PARD3: variants seen among roughly 807,000 people sequenced by gnomAD.
PARD3 encodes the protein partitioning defective 3 homolog.
PARD3 carries 75 observed loss-of-function variants against 155.4 expected under a neutral mutation model. The ratio of observed to expected loss-of-function variants is 0.48; its 90% CI spans 0.40 to 0.58. PARD3 has a LOEUF of 0.58. Among genes scored for constraint, PARD3 ranks in the 20% least tolerant of loss-of-function variants. The pLI is 0.00. For synonymous variants in PARD3, 576 were observed against 610.5 expected (o/e 0.94, Z 0.83); for missense variants, 1,642 against 1,721.7 (o/e 0.95, Z 0.82).
At chr10:34,807,186 T>C (rs952696008) in intron 1 of PARD3, among the ~76,000 whole-genome samples, 8 of 152,254 alleles carry the variant, frequency 5.3e-5, no homozygotes, top group East Asian at 1.9e-4. Context: ...ACAGGACACA[T>C]TGGACAGGCC....
intron 10 of PARD3, 76 bp from the exon 11 acceptor site, chr10:34,375,078 A>G: frequency 1.0e-6 from 1 of 966,774 alleles, no homozygotes; most frequent in Non-Finnish European, 1.6e-6. Flanking sequence ...ACACACACAC[A>G]CACACACACA....
chr10:34,131,867 C>T (rs1947634573), intron 22 of PARD3, among the ~76,000 whole-genome samples: 1 of 151,302 alleles, frequency 6.6e-6, no homozygotes, highest in African/African-American at 2.4e-5. Context: ...TGTAATCTGG[C>T]AAGGTGTTGG....
rs544159792 is a variant in PARD3 at position 34,218,569 on chromosome 10, G to A, written c.3419+51088C>T. The stretch of plus-strand genomic sequence containing the variant: ...AGCAAATCACTGGTAAAACTGGGAA[G>A]GGCGGGAAATACTTTGCCATTTGGG... On this transcript the variant is annotated intron_variant, in intron 22 of 24. Transcript: ENST00000374788. Among the ~76,000 whole-genome samples the A allele has an allele frequency of 2.6e-5, 4 of 152,304 alleles. No homozygotes were observed. In the South Asian group the frequency reaches 6.2e-4, roughly 24 times the overall value.
chr10:34,584,869 A>G (rs2087858178), intron 2 of PARD3, among the ~76,000 whole-genome samples: 1 of 152,124 alleles, frequency 6.6e-6, no homozygotes, highest in South Asian at 2.1e-4. Flanking sequence ...TCCCAGGCTC[A>G]TTAGGTCTTC....
At chr10:34,209,258 A>T (rs1386043929) in intron 22 of PARD3, among the ~76,000 whole-genome samples, 1 of 152,160 alleles carries the variant, frequency 6.6e-6, no homozygotes, top group Non-Finnish European at 1.5e-5. Context: ...TTTCACAGGA[A>T]ATTTCTCATC....
intron 22 of PARD3, among the ~76,000 whole-genome samples, chr10:34,238,526 G>C (rs1422031660): frequency 2.0e-5 from 3 of 151,974 alleles, no homozygotes; most frequent in Non-Finnish European, 2.9e-5. Flanking sequence ...CACACATAGG[G>C]GTCCCAGACA....
At chr10:34,341,526 G>A (rs1836831495) in intron 16 of PARD3, 101 bp downstream of exon 16, 8 of 794,332 alleles carry the variant, frequency 1.0e-5, no homozygotes, top group Admixed American at 2.8e-5. Flanking sequence ...TGAAGACAGA[G>A]CTATTAAAAA....
At chr10:34,443,111 C>T (rs1293278179) in intron 5 of PARD3, among the ~76,000 whole-genome samples, 2 of 152,202 alleles carry the variant, frequency 1.3e-5, no homozygotes, top group African/African-American at 4.8e-5. Flanking sequence ...TTGATCATCC[C>T]AGACACCCAC....
At chr10:34,218,419 G>A (rs1248323976) in intron 22 of PARD3, among the ~76,000 whole-genome samples, 1 of 152,142 alleles carries the variant, frequency 6.6e-6, no homozygotes, top group Non-Finnish European at 1.5e-5. Flanking sequence ...CCCTGAAGAT[G>A]TGAGTCAAGA....
chr10:34,559,738 G>C (rs1160006807), intron 2 of PARD3, among the ~76,000 whole-genome samples: 2 of 151,308 alleles, frequency 1.3e-5, no homozygotes, highest in Non-Finnish European at 2.9e-5. Context: ...CGCAATAAGT[G>C]ATGAAAAGGA....
At chr10:34,602,872 T>G (rs759597107) in intron 2 of PARD3, among the ~76,000 whole-genome samples, 1 of 152,198 alleles carries the variant, frequency 6.6e-6, no homozygotes, top group Non-Finnish European at 1.5e-5. Flanking sequence ...AGGCCTCTAC[T>G]GCCCACGTAG....
At chr10:34,808,707 C>A (rs1180474310) in intron 1 of PARD3, among the ~76,000 whole-genome samples, 1 of 152,212 alleles carries the variant, frequency 6.6e-6, no homozygotes, top group African/African-American at 2.4e-5. Flanking sequence ...TTGCACCCAA[C>A]TCTGTGGGGA....
chr10:34,260,259 G>C lies in PARD3; in HGVS notation c.3419+9398C>G, dbSNP rs375170666. 9.0e-3 allele frequency among the ~76,000 whole-genome samples: 1,366 copies of C among 152,318 alleles called. 15 individuals are homozygous for C. Among genetic ancestry groups the C allele is most frequent in the African/African-American group, 0.03 (1,236 of 41,568 alleles). ...CAAAGTGTTGGGATTACAGGCGTGA[G>C]CTGCCACACCTGGCCAATTTTTTTC... On this transcript the variant is annotated intron_variant, in intron 22 of 24. Coordinates refer to ENST00000374788, the MANE Select transcript of PARD3 (RefSeq NM_001184785.2).
At chr10:34,613,123 C>G (rs1201546707) in intron 2 of PARD3, among the ~76,000 whole-genome samples, 1 of 152,188 alleles carries the variant, frequency 6.6e-6, no homozygotes, top group Admixed American at 6.5e-5. Flanking sequence ...ATGCTCAGAA[C>G]TAGCCTACGA....
chr10:34,615,389 G>C (rs2091185420), intron 2 of PARD3, among the ~76,000 whole-genome samples: 1 of 152,052 alleles, frequency 6.6e-6, no homozygotes. Flanking sequence ...AAACACCACT[G>C]AGGAAACAGT....
chr10:34,701,540 CAACAGAG>C (rs1326417412), intron 1 of PARD3, among the ~76,000 whole-genome samples: 2 of 152,084 alleles, frequency 1.3e-5, no homozygotes, highest in East Asian at 3.8e-4. Flanking sequence ...AAGACTTCCC[CAACAGAG>C]CCGGTAAGAG....
chr10:34,183,779 C>G (rs556764612), intron 22 of PARD3, among the ~76,000 whole-genome samples: 2 of 152,318 alleles, frequency 1.3e-5, no homozygotes, highest in Admixed American at 1.3e-4. Flanking sequence ...TCCCTTTTCT[C>G]TGTATGGGGG....
rs59792013 is a variant in PARD3, at chr10:34,606,156, A to ATGTG, written c.223-89001_223-88998dup. Among the ~76,000 whole-genome samples the ATGTG allele has an allele frequency of 2.3e-3, 293 of 126,546 alleles. 2 individuals are homozygous for ATGTG. Among genetic ancestry groups the ATGTG allele is most frequent in the East Asian group, 5.2e-3 (22 of 4,212 alleles). 83.0% of individuals were successfully genotyped at this position (126,546 alleles called of 152,430 possible). A position where few individuals can be genotyped will look rare whatever the true frequency, so the allele number is the denominator to read the frequency against. The stretch of plus-strand genomic sequence containing the variant: ...TATTACTATACATATATAAAGGGAA[A>ATGTG]TGTGTGTGTGTGTGTGTGTGTGTGT... On this transcript the variant is annotated intron_variant, in intron 2 of 24. Transcript: ENST00000374788.
intron 20 of PARD3, among the ~76,000 whole-genome samples, chr10:34,296,308 T>C (rs1956906838): frequency 6.6e-6 from 1 of 152,038 alleles, no homozygotes; most frequent in Non-Finnish European, 1.5e-5. Flanking sequence ...CATAGCTCAC[T>C]GCAGCATCAA....
Sources: gnomAD v4.1 joint callset for allele counts (sites outside exome capture counted in the v4.1 genomes callset) on GRCh38, gnomAD v4.1.1 for gene constraint, MANE v1.5 for transcripts, NCBI Gene and HGNC (gene_info 2026-07-23, HGNC 2026-07-21) for gene names.